Variants in BIN3 observed in about 807,000 individuals in gnomAD.
BIN3 encodes the protein bridging integrator 3.
A neutral mutation model predicts 38.2 loss-of-function variants in BIN3; 41 were observed. That is an observed-to-expected ratio of 1.07 (90% CI 0.84 to 1.39). The LOEUF is 1.39. Ranked by LOEUF, BIN3 falls within the 40% of genes most tolerant of loss-of-function variation. The pLI is 0.00. For synonymous variants in BIN3, 145 were observed against 122.6 expected (o/e 1.18, Z -1.21); for missense variants, 361 against 324.3 (o/e 1.11, Z -0.87).
At chr8:22,624,109 G>C in intron 7 of BIN3, 60 bp from the exon 8 acceptor site, 1 of 1,593,886 alleles carries the variant, frequency 6.3e-7, no homozygotes, top group Non-Finnish European at 8.6e-7. Context: ...ATACGGGATG[G>C]GTGGGGTGGG....
chr8:22,630,693 A>T (rs2117517899), intron 4 of BIN3, 115 bp from the exon 5 acceptor site: 1 of 1,233,670 alleles, frequency 8.1e-7, no homozygotes, highest in East Asian at 2.5e-5. Context: ...CTCTTCCCAC[A>T]GCCACGGCCG....
chr8:22,639,482 T>A (rs139193970), intron 2 of BIN3, among the ~76,000 whole-genome samples: 1 of 152,310 alleles, frequency 6.6e-6, no homozygotes, highest in East Asian at 1.9e-4. Context: ...TCCTCTTGCA[T>A]TGGCCTCCCA....
chr8:22,640,325 G>A (rs2117546211), intron 2 of BIN3, among the ~76,000 whole-genome samples: 1 of 151,756 alleles, frequency 6.6e-6, no homozygotes, highest in African/African-American at 2.4e-5. Flanking sequence ...GACTACAGGA[G>A]TGAGCCACCA....
intron 6 of BIN3, chr8:22,625,067 C>A (rs1055617012): frequency 2.8e-5 from 12 of 428,632 alleles, no homozygotes; most frequent in African/African-American, 2.2e-4. Flanking sequence ...AAAGTTCCAA[C>A]CAGCTGCTTC....
Position 22,632,076 on chromosome 8 carries a change from A to G in BIN3, c.161-1498T>C, listed in dbSNP as rs1010803095. 3.9e-5 allele frequency among the ~76,000 whole-genome samples: 6 copies of G among 152,248 alleles called. No individual in the cohort carries two copies. In the East Asian group the frequency reaches 9.6e-4, roughly 24 times the overall value. On this transcript the variant is annotated intron_variant, in intron 4 of 8. Coordinates refer to ENST00000276416, the MANE Select transcript of BIN3 (RefSeq NM_018688.6). Reference sequence around the variant, plus strand: ...TACTGAATTTAAGATGCTCTTCATTATAAGTCACTTATTGTATGAACTACT... The same window carrying G: ...TACTGAATTTAAGATGCTCTTCATTGTAAGTCACTTATTGTATGAACTACT...
In BIN3 at chr8:22,642,507, G is replaced by C. The variant is rs564254622; in HGVS notation, c.57+2248C>G. Among the ~76,000 whole-genome samples, 15 of 152,326 alleles carry C rather than the reference G, an allele frequency of 9.8e-5. No homozygotes were observed. In the South Asian group the frequency reaches 1.2e-3, roughly 13 times the overall value. On this transcript the variant is annotated intron_variant, in intron 2 of 8. Transcript: ENST00000276416. ...CAAAGGCCCAGCCGACTTTTGTTGC[G>C]TTGGGAAATCTAGCTGCCTGGGACA...
intron 1 of BIN3, among the ~76,000 whole-genome samples, chr8:22,650,780 G>C (rs1270260439): frequency 6.6e-6 from 1 of 152,134 alleles, no homozygotes; most frequent in Non-Finnish European, 1.5e-5. Context: ...TTTAGCTATT[G>C]ACTTTTTACT....
chr8:22,648,897 ATGTATGTATGTATG>A (rs1563972492), intron 1 of BIN3, among the ~76,000 whole-genome samples: 12 of 143,488 alleles, frequency 8.4e-5, no homozygotes, highest in East Asian at 5.9e-4. Context: ...ACATCAACGT[ATGTATGTATGTATG>A]TATGTATGTA....
intron 1 of BIN3, among the ~76,000 whole-genome samples, chr8:22,668,074 T>C (rs1177646091): frequency 6.6e-6 from 1 of 152,208 alleles, no homozygotes; most frequent in Admixed American, 6.5e-5. Flanking sequence ...TCTCTGGGGC[T>C]CAATTTATTC....
At position 22,644,736 on chromosome 8, in the gene BIN3, A is replaced by C. The variant is rs542976388; in HGVS notation, c.57+19T>G. 2.5e-6 allele frequency: 4 copies of C among 1,609,512 alleles called. No homozygotes were observed. In the South Asian group the frequency reaches 4.4e-5, roughly 18 times the overall value. ...TGATACAGAACTGAATCTCACAGCA[A>C]AACAATCGAGTTACTCACTGTTTTG... On this transcript the variant is annotated intron_variant, in intron 2 of 8. Transcript: ENST00000276416.
At chr8:22,647,864 C>T (rs1802759325) in intron 1 of BIN3, among the ~76,000 whole-genome samples, 1 of 152,092 alleles carries the variant, frequency 6.6e-6, no homozygotes, top group Non-Finnish European at 1.5e-5. Flanking sequence ...TGGTGGCTCA[C>T]ACCTGTAATC....
chr8:22,629,714 G>A, intron 6 of BIN3: 2 of 575,852 alleles, frequency 3.5e-6, no homozygotes, highest in Non-Finnish European at 3.1e-6. Context: ...AGCGGCGGTT[G>A]CTGGGTGGGG....
intron 6 of BIN3, among the ~76,000 whole-genome samples, chr8:22,629,123 A>C (rs1414456090): frequency 6.6e-6 from 1 of 152,224 alleles, no homozygotes; most frequent in Non-Finnish European, 1.5e-5. Flanking sequence ...CAGCAATCCG[A>C]AACACCAGGG....
At position 22,666,352 on chromosome 8, in the gene BIN3, G is replaced by A. The variant is rs1386865737; in HGVS notation, c.8+2692C>T. Among the ~76,000 whole-genome samples the A allele has an allele frequency of 2.1e-5, 3 of 143,012 alleles. No individual in the cohort carries two copies. The Admixed American group carries it at 2.1e-4, about 10-fold the overall frequency. The allele number at this position is 143,012 out of a possible 152,430, so 93.8% of individuals were successfully genotyped here. A position where few individuals can be genotyped will look rare whatever the true frequency, so the allele number is the denominator to read the frequency against. The stretch of plus-strand genomic sequence containing the variant: ...AGACAGAAATAGGGAGGGAGGGGGT[G>A]AGTGGGGAGGAGAGGAGAGAAAGTT... On this transcript the variant is annotated intron_variant, in intron 1 of 8. Transcript: ENST00000276416.
chr8:22,647,330 T>C (rs190272432), intron 1 of BIN3, among the ~76,000 whole-genome samples: 32 of 152,330 alleles, frequency 2.1e-4, no homozygotes, highest in Admixed American at 1.2e-3. Flanking sequence ...ACGGTATTTT[T>C]AGAACTGTAA....
intron 4 of BIN3, among the ~76,000 whole-genome samples, chr8:22,633,574 T>A (rs561923316): frequency 1.3e-5 from 2 of 152,286 alleles, no homozygotes; most frequent in East Asian, 3.9e-4. Flanking sequence ...GAAAGAAAGG[T>A]CATCTTTTTT....
intron 2 of BIN3, among the ~76,000 whole-genome samples, chr8:22,639,888 T>C (rs1802487038): frequency 6.6e-6 from 1 of 151,674 alleles, no homozygotes; most frequent in African/African-American, 2.4e-5. Context: ...TGAGGCGGAG[T>C]TTCGCTCTTG....
At chr8:22,621,832 G>A (rs1010690123) in intron 8 of BIN3, among the ~76,000 whole-genome samples, 11 of 152,234 alleles carry the variant, frequency 7.2e-5, no homozygotes, top group African/African-American at 2.7e-4. Context: ...GGTGCAGGAA[G>A]GCATGGGCCT....
intron 6 of BIN3, among the ~76,000 whole-genome samples, chr8:22,626,791 G>C (rs533925895): frequency 6.6e-6 from 1 of 152,164 alleles, no homozygotes; most frequent in Non-Finnish European, 1.5e-5. Flanking sequence ...CCCTATGCTC[G>C]TTGCTCCAGC....
Sources: allele counts gnomAD v4.1 joint callset (sites outside exome capture counted in the v4.1 genomes callset), GRCh38; gene constraint gnomAD v4.1.1; transcripts MANE v1.5; gene names NCBI Gene and HGNC (gene_info 2026-07-23, HGNC 2026-07-21).